GLRA3: variants seen among roughly 807,000 people sequenced by gnomAD.
The protein encoded by GLRA3 is glycine receptor subunit alpha-3.
In GLRA3, 44 loss-of-function variants were observed where a neutral mutation model predicts 60.4. That is an observed-to-expected ratio of 0.73 (90% CI 0.57 to 0.94). The LOEUF (loss-of-function observed/expected upper bound fraction) is 0.94, where lower values mean the gene tolerates loss of function less well. GLRA3 is among the 40% of genes least tolerant of loss of function. GLRA3 has a pLI of 0.00. For synonymous variants in GLRA3, 223 were observed against 192.9 expected (o/e 1.16, Z -1.29); for missense variants, 508 against 564.6 (o/e 0.90, Z 1.02).
At chr4:174,696,013 A>G (rs539852747) in intron 5 of GLRA3, among the ~76,000 whole-genome samples, 14 of 152,262 alleles carry the variant, frequency 9.2e-5, no homozygotes, top group South Asian at 6.2e-4. Context: ...ATAAAATAAT[A>G]AAATACCTAG....
At chr4:174,689,947 T>A (rs1171730280) in intron 5 of GLRA3, among the ~76,000 whole-genome samples, 1 of 151,842 alleles carries the variant, frequency 6.6e-6, no homozygotes, top group African/African-American at 2.4e-5. Flanking sequence ...TTCAAACCAT[T>A]GATGTCCATC....
At chr4:174,662,020 G>T (rs1733466320) in intron 7 of GLRA3, among the ~76,000 whole-genome samples, 1 of 152,136 alleles carries the variant, frequency 6.6e-6, no homozygotes, top group Non-Finnish European at 1.5e-5. Context: ...GTGATTTGAG[G>T]TTGTAGCTGA....
chr4:174,701,092 T>C (rs1260495205), intron 5 of GLRA3, among the ~76,000 whole-genome samples: 2 of 152,216 alleles, frequency 1.3e-5, no homozygotes, highest in East Asian at 3.9e-4. Flanking sequence ...TGGAAAAAGA[T>C]GCCATCTGGG....
At chr4:174,757,846 G>A (rs1233082280) in intron 3 of GLRA3, among the ~76,000 whole-genome samples, 3 of 152,078 alleles carry the variant, frequency 2.0e-5, no homozygotes, top group Admixed American at 6.6e-5. Flanking sequence ...TCCAAATCTC[G>A]TGTTGAAATT....
intron 7 of GLRA3, among the ~76,000 whole-genome samples, chr4:174,675,265 A>G (rs1049077700): frequency 2.0e-5 from 3 of 152,188 alleles, no homozygotes; most frequent in African/African-American, 7.2e-5. Context: ...TCTTGTGGAA[A>G]TTAAAGCCTT....
intron 2 of GLRA3, among the ~76,000 whole-genome samples, chr4:174,784,140 TA>T (rs1182929629): frequency 1.5e-5 from 2 of 136,304 alleles, no homozygotes; most frequent in Admixed American, 7.5e-5. Context: ...TATGCAGCCA[TA>T]AAAAATGATG....
In GLRA3 at chr4:174,641,491, T is replaced by C. The variant is rs1732619737; in HGVS notation, c.*2295A>G. The C allele has an allele frequency of 6.6e-6, 1 of 152,092 alleles. No individual in the cohort carries two copies. The highest frequency in any genetic ancestry group is 1.5e-5 in the Non-Finnish European group (1 of 67,956). 9.4% of individuals were successfully genotyped at this position (152,092 alleles called of 1,614,324 possible). ...AGTGAAAGCTGTTAAAGTATTTTCT[T>C]AGTGCAGTAAGACAGTGACAAATAT... On this transcript the variant is annotated 3_prime_UTR_variant, in exon 10 of 10. Transcript: ENST00000274093.
At chr4:174,658,179 G>T (rs1486168492) in intron 8 of GLRA3, among the ~76,000 whole-genome samples, 1 of 152,122 alleles carries the variant, frequency 6.6e-6, no homozygotes, top group East Asian at 1.9e-4. Flanking sequence ...AATATGCCAG[G>T]ATATTGGATC....
intron 2 of GLRA3, among the ~76,000 whole-genome samples, chr4:174,767,527 T>C (rs1738196491): frequency 6.6e-6 from 1 of 152,166 alleles, no homozygotes; most frequent in African/African-American, 2.4e-5. Flanking sequence ...TTGTTTGTTC[T>C]TTAGTGACTT....
intron 4 of GLRA3, among the ~76,000 whole-genome samples, chr4:174,720,969 C>T (rs1019075973): frequency 6.6e-6 from 1 of 151,378 alleles, no homozygotes; most frequent in Non-Finnish European, 1.5e-5. Context: ...GGCAAAAGTA[C>T]AACTGTTTTT....
intron 4 of GLRA3, among the ~76,000 whole-genome samples, chr4:174,727,066 A>G (rs981138672): frequency 1.3e-5 from 2 of 152,190 alleles, no homozygotes; most frequent in African/African-American, 4.8e-5. Context: ...TGAAAGGGTC[A>G]ATTCACAATA....
chr4:174,792,524 G>GA (rs1476195710), intron 1 of GLRA3, among the ~76,000 whole-genome samples: 1 of 152,054 alleles, frequency 6.6e-6, no homozygotes, highest in Non-Finnish European at 1.5e-5. Flanking sequence ...AGTGTTGGGA[G>GA]AAAAAAATTC....
rs63196060 is a variant in GLRA3, at chr4:174,728,733, A to C, written c.268-35T>G. The C allele has an allele frequency of 2.6e-4, 316 of 1,206,338 alleles. 2 individuals carry two copies. In the Admixed American group the frequency reaches 2.8e-3, roughly 11 times the overall value. 74.7% of individuals were successfully genotyped at this position (1,206,338 alleles called of 1,614,324 possible). ...AATAATGAAAGAAAGAAAAAAAAAA[A>C]CCCTGCTTTAAAAAGTTTAAAATCC... On this transcript the variant is annotated intron_variant, in intron 3 of 9. Coordinates refer to ENST00000274093, the MANE Select transcript of GLRA3 (RefSeq NM_006529.4).
intron 5 of GLRA3, among the ~76,000 whole-genome samples, chr4:174,699,453 A>T (rs1468247978): frequency 6.6e-6 from 1 of 152,236 alleles, no homozygotes; most frequent in Non-Finnish European, 1.5e-5. Flanking sequence ...AAGATGTTCA[A>T]GTAATTGGAA....
At position 174,677,210 on chromosome 4, in the gene GLRA3, G is replaced by A. The variant is rs762287278; in HGVS notation, c.795C>T (p.Leu265=). The change falls in exon 7 of 10, where the codon CTC becomes CTT. Residue 265 remains leucine, a synonymous_variant. Coordinates refer to ENST00000274093, the MANE Select transcript of GLRA3 (RefSeq NM_006529.4). ...AAACCCAGGATAGAATAACAATCAGGAGACTGGGAATGTACATCTGGATCA... is the reference window on the plus strand; with the variant it reads ...AAACCCAGGATAGAATAACAATCAGAAGACTGGGAATGTACATCTGGATCA... ...YYLIQMYIPS[L]LIVILSWVSF... is the part of the protein sequence containing the mutation. 1.9e-6 allele frequency: 3 copies of A among 1,611,980 alleles called. No homozygotes were observed. The highest frequency in any genetic ancestry group is 3.3e-5 in the Admixed American group (2 of 59,982).
At chr4:174,663,360 T>G (rs979908107) in intron 7 of GLRA3, among the ~76,000 whole-genome samples, 4 of 152,178 alleles carry the variant, frequency 2.6e-5, no homozygotes, top group Non-Finnish European at 5.9e-5. Context: ...TAATATGGCT[T>G]TCAAAGATGC....
chr4:174,828,892 A>C lies in GLRA3; in HGVS notation c.-81T>G. On this transcript the variant is annotated 5_prime_UTR_variant, in exon 1 of 10. Coordinates refer to ENST00000274093, the MANE Select transcript of GLRA3 (RefSeq NM_006529.4). The stretch of plus-strand genomic sequence containing the variant: ...CAGAAAGACAGAATGAAAATGTACA[A>C]TCTAACCCCGCATGGTGTTGGTGTA... 1.0e-6 allele frequency: 1 copy of C among 960,684 alleles called. No homozygotes were observed. The highest frequency in any genetic ancestry group is 1.7e-6 in the Non-Finnish European group (1 of 587,674). 59.5% of individuals were successfully genotyped at this position (960,684 alleles called of 1,614,324 possible). A position where few individuals can be genotyped will look rare whatever the true frequency, so the allele number is the denominator to read the frequency against.
chr4:174,769,732 C>A (rs1182273366), intron 2 of GLRA3, among the ~76,000 whole-genome samples: 1 of 152,022 alleles, frequency 6.6e-6, no homozygotes, highest in South Asian at 2.1e-4. Context: ...TTTAGTGGAA[C>A]ATATGCTCCA....
At chr4:174,692,749 G>C (rs559278091) in intron 5 of GLRA3, among the ~76,000 whole-genome samples, 3 of 151,562 alleles carry the variant, frequency 2.0e-5, no homozygotes, top group Admixed American at 6.6e-5. Context: ...CAGCATGCTC[G>C]TTAAGAGTCA....
Sources: gnomAD v4.1 joint callset for allele counts (sites outside exome capture counted in the v4.1 genomes callset) on GRCh38, gnomAD v4.1.1 for gene constraint, MANE v1.5 for transcripts, NCBI Gene and HGNC (gene_info 2026-07-23, HGNC 2026-07-21) for gene names.